AGMAT: variants seen among roughly 807,000 people sequenced by gnomAD.
AGMAT encodes the protein guanidino acid hydrolase, mitochondrial.
Under a neutral mutation model 29.3 loss-of-function variants are expected in AGMAT, and 37 were observed. The observed-to-expected ratio is 1.26, with a 90% CI of 0.97 to 1.66. The LOEUF is 1.66. Ranked by LOEUF, AGMAT falls within the 40% of genes most tolerant of loss-of-function variation. AGMAT has a pLI of 0.00. For synonymous variants in AGMAT, 199 were observed against 200.8 expected, an observed-to-expected ratio of 0.99 and a Z score of 0.08; for missense variants, 498 against 497.8, an observed-to-expected ratio of 1.00 and a Z score of 0.00.
At chr1:15,584,628 C>T in intron 1 of AGMAT, 68 bp downstream of exon 1, 9 of 1,248,250 alleles carry the variant, frequency 7.2e-6, no homozygotes, top group Non-Finnish European at 7.1e-6. Context: ...TGTCTCGGTG[C>T]TTTCCATGCC....
intron 4 of AGMAT, 52 bp downstream of exon 4, chr1:15,578,807 C>A: frequency 3.2e-6 from 5 of 1,587,102 alleles, no homozygotes; most frequent in Non-Finnish European, 4.3e-6. Flanking sequence ...GGTGAGGCAA[C>A]GGAGAGGAAG....
chr1:15,574,541 G>A (rs1047466094), intron 6 of AGMAT, among the ~76,000 whole-genome samples: 1 of 151,978 alleles, frequency 6.6e-6, no homozygotes, highest in Admixed American at 6.6e-5. Context: ...ACCACACCTG[G>A]CTAATTTTTA....
intron 5 of AGMAT, among the ~76,000 whole-genome samples, chr1:15,576,740 C>CTTTTTTTTTGTTTTTTTTTTTTTTTTTT (rs1639044437): frequency 8.4e-5 from 3 of 35,796 alleles, no homozygotes; most frequent in Non-Finnish European, 1.5e-4. Flanking sequence ...GTTTAGTGTT[C>CTTTTTTTTTGTTTTTTTTTTTTTTTTTT]TTTTTTTTTT....
intron 3 of AGMAT, among the ~76,000 whole-genome samples, chr1:15,579,862 C>G (rs1639088483): frequency 1.3e-5 from 2 of 152,240 alleles, no homozygotes; most frequent in East Asian, 1.9e-4. Context: ...AGCACACATA[C>G]CAGGAGAGAT....
Position 15,573,714 on chromosome 1 carries a change from G to A in AGMAT, c.996C>T (p.Ala332=), listed in dbSNP as rs1371416271. Residue 332 remains alanine (A), a synonymous_variant, in exon 7 of 7, where the codon GCC becomes GCT. Coordinates refer to ENST00000375826, the MANE Select transcript of AGMAT (RefSeq NM_024758.5). ...CAAACAGCAGGTTAGCCGCCAGCAG[G>A]GCTGTGTTCCCTAAGAAAAAGTAAA... ...SPPYDLSGNT[A]LLAANLLFEM... 1 of 1,614,134 alleles carries A rather than the reference G, an allele frequency of 6.2e-7. No individual in the cohort carries two copies. Among genetic ancestry groups the A allele is most frequent in the East Asian group, 2.2e-5 (1 of 44,884 alleles).
In AGMAT at chr1:15,577,753, C is replaced by A; in HGVS notation, c.832G>T (p.Asp278Tyr). 1 of 1,614,190 alleles carries A rather than the reference C, an allele frequency of 6.2e-7. No individual in the cohort carries two copies. Among genetic ancestry groups the A allele is most frequent in the Non-Finnish European group, 8.5e-7 (1 of 1,180,032 alleles). ...GKPIYISFDI[D>Y]ALDPAYAPGT... ...GGCGCATAGGCAGGATCCAGAGCGT[C>A]AATATCAAAGCTGATATAAATGGGT... Residue 278 changes from aspartate to tyrosine, a missense_variant, in exon 5 of 7, where the codon GAC becomes TAC. Physicochemically the swap from Asp to Tyr is radical, Grantham distance 160. Transcript: ENST00000375826.
intron 5 of AGMAT, among the ~76,000 whole-genome samples, chr1:15,577,115 ATGAAC>A (rs1557595981): frequency 1.3e-5 from 2 of 152,220 alleles, no homozygotes; most frequent in African/African-American, 2.4e-5. Context: ...TTCATGACAG[ATGAAC>A]TGAAGGCAGG....
chr1:15,583,295 C>T lies in AGMAT; in HGVS notation c.373G>A (p.Gly125Ser). ...PFQSLMVADL[G>S]DVNVNLYNLQ... ...TTGTAAAGATTGACATTCACATCGC[C>T]TAGGTCTGCAACCATGAGGGACTGG... Residue 125 changes from glycine to serine, a missense_variant, in exon 2 of 7, where the codon GGC becomes AGC. Transcript: ENST00000375826. The T allele has an allele frequency of 6.2e-7, 1 of 1,614,178 alleles. No individual in the cohort carries two copies.
chr1:15,580,144 T>C lies in AGMAT; in HGVS notation c.476-2A>G, dbSNP rs900022357. 6 of 1,609,536 alleles carry C rather than the reference T, an allele frequency of 3.7e-6. No homozygotes were observed. The African/African-American group carries it at 8.1e-5, about 22-fold the overall frequency. On this transcript the variant is annotated splice_acceptor_variant, in intron 2 of 6. Coordinates refer to ENST00000375826, the MANE Select transcript of AGMAT (RefSeq NM_024758.5). LOFTEE classifies it high-confidence loss of function. ...GATATGTGATTGTGTGATCTCCACC[T>C]GCAAAGAGGAAGAAGAAAACATCTG... is the stretch of plus-strand genomic sequence containing the variant.
At chr1:15,579,385 C>G (rs943978648) in intron 3 of AGMAT, among the ~76,000 whole-genome samples, 1 of 152,168 alleles carries the variant, frequency 6.6e-6, no homozygotes, top group Non-Finnish European at 1.5e-5. Context: ...AAGACACACC[C>G]TTTCTCCAAC....
rs1639168247 is a variant in AGMAT, at chr1:15,584,983, A to C, written c.-16T>G. 6 of 1,307,942 alleles carry C rather than the reference A, an allele frequency of 4.6e-6. No homozygotes were observed. Among genetic ancestry groups the C allele is most frequent in the Non-Finnish European group, 5.8e-6 (6 of 1,034,920 alleles). 81.0% of individuals were successfully genotyped at this position (1,307,942 alleles called of 1,614,324 possible). ...GCCTCAGCATTGCCGCGCGCGGCCA[A>C]GACCTCACCGACCAAACCGCCCGCG... On this transcript the variant is annotated 5_prime_UTR_variant, in exon 1 of 7. Coordinates refer to ENST00000375826, the MANE Select transcript of AGMAT (RefSeq NM_024758.5).
At position 15,580,148 on chromosome 1, in the gene AGMAT, A is replaced by G; in HGVS notation, c.476-6T>C. ...TGTGATTGTGTGATCTCCACCTGCAAAGAGGAAGAAGAAAACATCTGGAAA... is the reference window on the plus strand; with the variant it reads ...TGTGATTGTGTGATCTCCACCTGCAGAGAGGAAGAAGAAAACATCTGGAAA... On this transcript the variant is annotated splice_polypyrimidine_tract_variant and splice_region_variant and intron_variant, in intron 2 of 6. Coordinates refer to ENST00000375826, the MANE Select transcript of AGMAT (RefSeq NM_024758.5). The G allele has an allele frequency of 6.2e-7, 1 of 1,611,312 alleles. No individual in the cohort carries two copies. Among genetic ancestry groups the G allele is most frequent in the Non-Finnish European group, 8.5e-7 (1 of 1,177,568 alleles).
chr1:15,583,489 A>G (rs1358483775), intron 1 of AGMAT, 94 bp from the exon 2 acceptor site: 2 of 1,217,780 alleles, frequency 1.6e-6, no homozygotes, highest in Non-Finnish European at 2.3e-6. Flanking sequence ...ATTTGGGGCC[A>G]GATGATTCCG....
Position 15,584,909 on chromosome 1 carries a change from C to G in AGMAT, c.59G>C (p.Arg20Pro). The G allele has an allele frequency of 7.2e-7, 1 of 1,385,034 alleles. No homozygotes were observed. The highest frequency in any genetic ancestry group is 9.3e-7 in the Non-Finnish European group (1 of 1,077,720). The allele number at this position is 1,385,034 out of a possible 1,614,324, so 85.8% of individuals were successfully genotyped here. The change falls in exon 1 of 7, where the codon CGT (arginine) becomes CCT (proline). Residue 20 changes from arginine (R) to proline (P), a missense_variant. Coordinates refer to ENST00000375826, the MANE Select transcript of AGMAT (RefSeq NM_024758.5). ...CGGATGAAAGAGCCCTGCGGCAGGA[C>G]GCGCGCCCACGCCGGGCCCCGGGCC... ...ARGPGPGVGA[R>P]PAAGLFHPGR...
At chr1:15,580,860 G>A (rs887227133) in intron 2 of AGMAT, among the ~76,000 whole-genome samples, 5 of 151,556 alleles carry the variant, frequency 3.3e-5, no homozygotes, top group African/African-American at 7.3e-5. Flanking sequence ...CTGTAATCCC[G>A]GCTACTCTGG....
At chr1:15,574,579 T>C (rs1019511517) in intron 6 of AGMAT, among the ~76,000 whole-genome samples, 178 bp downstream of exon 6, 19 of 152,100 alleles carry the variant, frequency 1.2e-4, no homozygotes, top group African/African-American at 4.3e-4. Context: ...GGTTTCGCCA[T>C]GTTGGCCAAA....
chr1:15,581,612 C>T (rs6664222), intron 2 of AGMAT, among the ~76,000 whole-genome samples: 94,188 of 151,126 alleles, frequency 0.62, 30,327 homozygotes, highest in African/African-American at 0.79. Context: ...TGGTGGCTCA[C>T]GCCTGTAATC....
chr1:15,584,862 C>T lies in AGMAT; in HGVS notation c.106G>A (p.Ala36Thr), dbSNP rs1254317121. ...GGCTGGTTCCGGGGCGCGTCGGAAG[C>T]CTGGCGGCTCTGGCGGCGCCCCGGA... ...FHPGRRQSRQ[A>T]SDAPRNQPPS... Residue 36 changes from alanine (A) to threonine (T), a missense_variant, in exon 1 of 7, where the codon GCT becomes ACT. Transcript: ENST00000375826. 1.4e-6 allele frequency: 2 copies of T among 1,417,604 alleles called. No homozygotes were observed. Among genetic ancestry groups the T allele is most frequent in the Non-Finnish European group, 1.8e-6 (2 of 1,091,586 alleles). 87.8% of individuals were successfully genotyped at this position (1,417,604 alleles called of 1,614,324 possible). A position where few individuals can be genotyped will look rare whatever the true frequency, so the allele number is the denominator to read the frequency against.
chr1:15,574,782 T>A lies in AGMAT; in HGVS notation c.960A>T (p.Glu320Asp). The A allele has an allele frequency of 1.2e-6, 2 of 1,613,928 alleles. No individual in the cohort carries two copies. The highest frequency in any genetic ancestry group is 1.7e-6 in the Non-Finnish European group (2 of 1,179,868). Residue 320 changes from glutamate (E) to aspartate (D), a missense_variant, in exon 6 of 7, where the codon GAA becomes GAT. Transcript: ENST00000375826. ...CAGAAAGATCATACGGTGGTGAAAC[T>A]TCGACAAGATCACAGCCCATCACGT... is the stretch of plus-strand genomic sequence containing the variant. ...GLNVMGCDLV[E>D]VSPPYDLSGN...
Sources: allele counts gnomAD v4.1 joint callset (sites outside exome capture counted in the v4.1 genomes callset), GRCh38; gene constraint gnomAD v4.1.1; transcripts MANE v1.5; gene names NCBI Gene and HGNC (gene_info 2026-07-23, HGNC 2026-07-21).